Variants in GLO1 observed in about 807,000 individuals in gnomAD.
GLO1 encodes glyoxalase I.
GLO1 carries 28 observed loss-of-function variants against 26.0 expected under a neutral mutation model. The observed-to-expected ratio is 1.08, with a 90% CI of 0.80 to 1.48. The LOEUF (loss-of-function observed/expected upper bound fraction) is 1.48, where lower values mean the gene tolerates loss of function less well. Among genes scored for constraint, GLO1 ranks in the 40% most tolerant of loss-of-function variants. GLO1 has a pLI of 0.00. For missense variants in GLO1, 225 were observed against 224.8 expected (o/e 1.00, Z -0.01); for synonymous variants, 78 against 77.6 (o/e 1.00, Z -0.03).
At chr6:38,682,974 T>G in intron 3 of GLO1, 99 bp from the exon 4 acceptor site, 1 of 765,378 alleles carries the variant, frequency 1.3e-6, no homozygotes, top group East Asian at 2.5e-5. Context: ...ATATGCTACT[T>G]TACATAATTG....
At chr6:38,693,190 A>G (rs1437084240) in intron 1 of GLO1, among the ~76,000 whole-genome samples, 1 of 152,194 alleles carries the variant, frequency 6.6e-6, no homozygotes, top group Non-Finnish European at 1.5e-5. Flanking sequence ...TTAATCATAA[A>G]TTCAATTGCC....
At chr6:38,693,664 TC>T in intron 1 of GLO1, among the ~76,000 whole-genome samples, 1 of 89,788 alleles carries the variant, frequency 1.1e-5, no homozygotes, top group Non-Finnish European at 2.1e-5. Context: ...TTCAGCTCTC[TC>T]TCTCTCTCTC....
chr6:38,694,582 G>C (rs956247177), intron 1 of GLO1, among the ~76,000 whole-genome samples: 6 of 152,076 alleles, frequency 3.9e-5, no homozygotes, highest in African/African-American at 1.4e-4. Flanking sequence ...GGGAGGCTGA[G>C]GTAGGAGGAG....
intron 1 of GLO1, among the ~76,000 whole-genome samples, chr6:38,692,942 G>T (rs925978228): frequency 1.3e-5 from 2 of 150,492 alleles, no homozygotes; most frequent in African/African-American, 4.9e-5. Context: ...CTAACATTTT[G>T]TCAAGGGTTT....
intron 1 of GLO1, among the ~76,000 whole-genome samples, chr6:38,690,206 G>A (rs1761511333): frequency 6.6e-6 from 1 of 152,158 alleles, no homozygotes; most frequent in African/African-American, 2.4e-5. Flanking sequence ...GCCAGATGCT[G>A]TTCTAAGAGA....
chr6:38,699,260 T>G (rs1435016046), intron 1 of GLO1, among the ~76,000 whole-genome samples: 2 of 152,214 alleles, frequency 1.3e-5, no homozygotes, highest in Admixed American at 6.5e-5. Context: ...AGTTCCCAAA[T>G]AATACTTTTA....
intron 1 of GLO1, among the ~76,000 whole-genome samples, chr6:38,695,132 T>TGTTTTC (rs1761590196): frequency 2.0e-5 from 3 of 152,154 alleles, no homozygotes; most frequent in Non-Finnish European, 2.9e-5. Flanking sequence ...TTATTCATGT[T>TGTTTTC]TGTTTTCTGT....
At chr6:38,702,129 C>T (rs1199654104) in intron 1 of GLO1, among the ~76,000 whole-genome samples, 1 of 152,040 alleles carries the variant, frequency 6.6e-6, no homozygotes, top group Non-Finnish European at 1.5e-5. Context: ...GACGGGGTTT[C>T]ACCGTGTTAG....
At chr6:38,700,088 A>G (rs1020763997) in intron 1 of GLO1, among the ~76,000 whole-genome samples, 7 of 152,194 alleles carry the variant, frequency 4.6e-5, no homozygotes, top group African/African-American at 1.4e-4. Context: ...TCCTACTGAT[A>G]TGTGATGTCA....
At chr6:38,691,708 C>T (rs1465750733) in intron 1 of GLO1, among the ~76,000 whole-genome samples, 1 of 151,778 alleles carries the variant, frequency 6.6e-6, no homozygotes, top group Non-Finnish European at 1.5e-5. Context: ...GGATGTGAAC[C>T]AAAGGATTAA....
chr6:38,701,101 C>T (rs1179893538), intron 1 of GLO1, among the ~76,000 whole-genome samples: 1 of 150,734 alleles, frequency 6.6e-6, no homozygotes. Context: ...TTTTATTTTC[C>T]TTTATGGCAA....
At chr6:38,700,376 C>G (rs1292737387) in intron 1 of GLO1, among the ~76,000 whole-genome samples, 3 of 152,214 alleles carry the variant, frequency 2.0e-5, no homozygotes, top group African/African-American at 7.2e-5. Flanking sequence ...AATTGTATCA[C>G]TCTTCATAGT....
At chr6:38,693,611 T>C (rs1053223640) in intron 1 of GLO1, among the ~76,000 whole-genome samples, 1 of 151,442 alleles carries the variant, frequency 6.6e-6, no homozygotes, top group African/African-American at 2.4e-5. Context: ...GCTATACATT[T>C]CCCCCTTTGC....
intron 1 of GLO1, among the ~76,000 whole-genome samples, chr6:38,692,661 A>C (rs1761548190): frequency 6.6e-6 from 1 of 152,056 alleles, no homozygotes; most frequent in Admixed American, 6.6e-5. Context: ...TATTAGCTCT[A>C]ACTTTTCAAG....
chr6:38,703,139 T>G lies in GLO1; in HGVS notation c.-85A>C, dbSNP rs543831399. The G allele has an allele frequency of 1.1e-5, 9 of 815,478 alleles. No individual in the cohort carries two copies. The African/African-American group carries it at 1.6e-4, about 15-fold the overall frequency. The allele number at this position is 815,478 out of a possible 1,614,324, so 50.5% of individuals were successfully genotyped here. ...CGCCTCGGCCCTGTGCCGCCTTAAC[T>G]AGGAATGGCGCGATGGCGCCGCGGG... On this transcript the variant is annotated 5_prime_UTR_variant, in exon 1 of 6. Transcript: ENST00000373365.
In GLO1 at chr6:38,682,104, T is replaced by TGCCATTGTGGTA; in HGVS notation, c.377-4_377-3insTACCACAATGGC. 2 of 1,510,010 alleles carry TGCCATTGTGGTA rather than the reference T, an allele frequency of 1.3e-6. No individual in the cohort carries two copies. The highest frequency in any genetic ancestry group is 9.2e-7 in the Non-Finnish European group (1 of 1,085,040). The allele number at this position is 1,510,010 out of a possible 1,614,324, so 93.5% of individuals were successfully genotyped here. On this transcript the variant is annotated splice_polypyrimidine_tract_variant and splice_region_variant and intron_variant, in intron 4 of 5. Coordinates refer to ENST00000373365, the MANE Select transcript of GLO1 (RefSeq NM_006708.3). ...AGGAACAGCAATTCCAATATGACCT[T>TGCCATTGTGGTA]ACGTGATACCCCCCGAAAAAAGCAG...
At chr6:38,687,506 T>C (rs2127547044) in intron 1 of GLO1, among the ~76,000 whole-genome samples, 1 of 152,356 alleles carries the variant, frequency 6.6e-6, no homozygotes, top group East Asian at 1.9e-4. Context: ...TCTAGAACCA[T>C]TTACTGGTGA....
intron 3 of GLO1, 111 bp from the exon 4 acceptor site, chr6:38,682,986 C>A (rs555961114): frequency 1.9e-5 from 13 of 674,868 alleles, no homozygotes; most frequent in Middle Eastern, 2.4e-4. Flanking sequence ...ACATAATTGG[C>A]CTAACCCCTG....
intron 5 of GLO1, among the ~76,000 whole-genome samples, chr6:38,681,052 G>T (rs1024245632): frequency 6.6e-6 from 1 of 152,154 alleles, no homozygotes; most frequent in African/African-American, 2.4e-5. Flanking sequence ...TTGGGGAGAA[G>T]ATTTGGATAT....
Sources: gnomAD v4.1 joint callset for allele counts (sites outside exome capture counted in the v4.1 genomes callset) on GRCh38, gnomAD v4.1.1 for gene constraint, MANE v1.5 for transcripts, NCBI Gene and HGNC (gene_info 2026-07-23, HGNC 2026-07-21) for gene names.